Variants in CSMD1 observed in about 807,000 individuals in gnomAD.
CSMD1 encodes CUB and Sushi multiple domains 1.
In CSMD1, 213 loss-of-function variants were observed where a neutral mutation model predicts 417.5. The ratio of observed to expected loss-of-function variants is 0.51; its 90% confidence interval spans 0.46 to 0.57. CSMD1 has a LOEUF of 0.57. Among genes scored for constraint, CSMD1 ranks in the 20% least tolerant of loss-of-function variants. The pLI is 0.00. For synonymous variants in CSMD1, 2,862 were observed against 1,736.8 expected, an observed-to-expected ratio of 1.65 and a Z score of -16.11; for missense variants, 6,923 against 4,529.7, an observed-to-expected ratio of 1.53 and a Z score of -15.17.
chr8:4,467,569 A>C (rs1800258967), intron 2 of CSMD1, among the ~76,000 whole-genome samples: 1 of 152,210 alleles, frequency 6.6e-6, no homozygotes, highest in Admixed American at 6.5e-5. Flanking sequence ...TGTTATTTTA[A>C]GAAACAAATA....
chr8:3,719,792 G>C (rs141177070), intron 6 of CSMD1, among the ~76,000 whole-genome samples: 1 of 152,248 alleles, frequency 6.6e-6, no homozygotes, highest in East Asian at 1.9e-4. Flanking sequence ...TTCTACGTGT[G>C]TCCAGCTTTT....
At chr8:4,219,562 A>C (rs1800897515) in intron 3 of CSMD1, among the ~76,000 whole-genome samples, 1 of 152,208 alleles carries the variant, frequency 6.6e-6, no homozygotes. Context: ...TGTTAAAAAA[A>C]AAACTTAAAA....
Position 2,940,342 on chromosome 8 carries a change from C to T in CSMD1, c.10536-1598G>A, listed in dbSNP as rs577425336. Among the ~76,000 whole-genome samples the T allele has an allele frequency of 1.4e-4, 21 of 152,298 alleles. No individual in the cohort carries two copies. In the South Asian group the frequency reaches 3.9e-3, roughly 29 times the overall value. The stretch of plus-strand genomic sequence containing the variant: ...TTGAGAAGTCACAGTGGCCTCATAG[C>T]CGTCCTCTTGAGAACTGTGAGAGGG... On this transcript the variant is annotated intron_variant, in intron 69 of 69. Coordinates refer to ENST00000635120, the MANE Select transcript of CSMD1 (RefSeq NM_033225.6).
chr8:3,851,453 A>C (rs1015015910), intron 5 of CSMD1, among the ~76,000 whole-genome samples: 2 of 152,174 alleles, frequency 1.3e-5, no homozygotes, highest in Non-Finnish European at 2.9e-5. Context: ...TCTACTCATC[A>C]ATTATCTCAA....
At chr8:4,070,754 C>A (rs182804570) in intron 3 of CSMD1, among the ~76,000 whole-genome samples, 11 of 152,278 alleles carry the variant, frequency 7.2e-5, no homozygotes, top group East Asian at 1.9e-4. Context: ...TTTCCTCCAC[C>A]ACGAGCCTGT....
intron 1 of CSMD1, among the ~76,000 whole-genome samples, chr8:4,870,880 G>T (rs764773749): frequency 6.6e-6 from 1 of 152,138 alleles, no homozygotes; most frequent in East Asian, 1.9e-4. Flanking sequence ...TCCTGATTGT[G>T]TCACCTGGCC....
At chr8:3,594,072 C>T (rs539940874) in intron 8 of CSMD1, among the ~76,000 whole-genome samples, 5 of 152,276 alleles carry the variant, frequency 3.3e-5, no homozygotes, top group East Asian at 1.9e-4. Context: ...CCAACCAGAA[C>T]ACCTCCAATA....
chr8:3,286,161 C>A (rs141040973), intron 25 of CSMD1, among the ~76,000 whole-genome samples: 4 of 152,008 alleles, frequency 2.6e-5, no homozygotes, highest in East Asian at 1.9e-4. Context: ...TGAACTCATA[C>A]TTCTTTATGG....
intron 12 of CSMD1, among the ~76,000 whole-genome samples, chr8:3,459,969 A>C (rs1409650746): frequency 6.6e-6 from 1 of 152,126 alleles, no homozygotes; most frequent in African/African-American, 2.4e-5. Flanking sequence ...TGGCTAAGAC[A>C]CTCACTCACA....
intron 3 of CSMD1, among the ~76,000 whole-genome samples, chr8:4,408,771 C>G (rs909389740): frequency 3.9e-5 from 6 of 152,114 alleles, no homozygotes; most frequent in Non-Finnish European, 8.8e-5. Context: ...AGGCCATCAG[C>G]TGCCATTTTT....
intron 2 of CSMD1, among the ~76,000 whole-genome samples, chr8:4,630,940 A>G (rs950831264): frequency 6.6e-6 from 1 of 152,184 alleles, no homozygotes; most frequent in Non-Finnish European, 1.5e-5. Context: ...CGGCTGCCCC[A>G]GTGCCATCAA....
intron 3 of CSMD1, among the ~76,000 whole-genome samples, chr8:4,340,042 G>A (rs1229594688): frequency 1.3e-5 from 2 of 152,014 alleles, no homozygotes; most frequent in African/African-American, 2.4e-5. Context: ...ATGTTGAGCA[G>A]CATACCGTAT....
chr8:3,532,692 C>G (rs1269997931), intron 10 of CSMD1, among the ~76,000 whole-genome samples: 2 of 152,022 alleles, frequency 1.3e-5, no homozygotes, highest in Non-Finnish European at 2.9e-5. Context: ...TATTCTCATC[C>G]TTATTCCAAA....
chr8:4,563,687 A>C (rs1289703554), intron 2 of CSMD1, among the ~76,000 whole-genome samples: 1 of 152,228 alleles, frequency 6.6e-6, no homozygotes, highest in Non-Finnish European at 1.5e-5. Flanking sequence ...AATTTAAAGG[A>C]AATTCCTCCT....
At chr8:4,097,246 G>C (rs528364835) in intron 3 of CSMD1, among the ~76,000 whole-genome samples, 1 of 152,054 alleles carries the variant, frequency 6.6e-6, no homozygotes, top group African/African-American at 2.4e-5. Flanking sequence ...GTAGTACAAA[G>C]AACTGGAAAT....
At chr8:4,058,008 G>C (rs1207139746) in intron 3 of CSMD1, among the ~76,000 whole-genome samples, 1 of 151,476 alleles carries the variant, frequency 6.6e-6, no homozygotes, top group Non-Finnish European at 1.5e-5. Context: ...GATTGACTTG[G>C]CAATGTGGGC....
At chr8:4,068,207 C>CTT (rs1488334789) in intron 3 of CSMD1, among the ~76,000 whole-genome samples, 2 of 152,138 alleles carry the variant, frequency 1.3e-5, no homozygotes, top group Non-Finnish European at 2.9e-5. Flanking sequence ...GAAAAATCTT[C>CTT]CGTGCAGTGT....
At chr8:4,384,946 A>C (rs1173692057) in intron 3 of CSMD1, among the ~76,000 whole-genome samples, 1 of 152,142 alleles carries the variant, frequency 6.6e-6, no homozygotes, top group East Asian at 1.9e-4. Context: ...TCACATCAGG[A>C]AATTTCCTCT....
chr8:4,678,675 C>T (rs555520715), intron 1 of CSMD1, among the ~76,000 whole-genome samples: 1 of 152,270 alleles, frequency 6.6e-6, no homozygotes, highest in East Asian at 1.9e-4. Flanking sequence ...TACCTTTCAA[C>T]AGAAGGCATC....
Sources: gnomAD v4.1 joint callset for allele counts (sites outside exome capture counted in the v4.1 genomes callset) on GRCh38, gnomAD v4.1.1 for gene constraint, MANE v1.5 for transcripts, NCBI Gene and HGNC (gene_info 2026-07-23, HGNC 2026-07-21) for gene names.